ST18: variants seen among roughly 807,000 people sequenced by gnomAD.
The protein encoded by ST18 is suppression of tumorigenicity 18 protein.
In ST18, 50 loss-of-function variants were observed where a neutral mutation model predicts 110.0. The observed-to-expected ratio is 0.45, with a 90% CI of 0.36 to 0.58. The LOEUF is 0.58. ST18 is among the 20% of genes least tolerant of loss of function. The pLI, the probability that ST18 is intolerant of heterozygous loss-of-function variation, is 0.00. For synonymous variants in ST18, 461 were observed against 452.4 expected, an observed-to-expected ratio of 1.02 and a Z score of -0.24; for missense variants, 1,306 against 1,280.1, an observed-to-expected ratio of 1.02 and a Z score of -0.31.
intron 2 of ST18, among the ~76,000 whole-genome samples, chr8:52,345,030 T>C (rs1278876420): frequency 2.6e-5 from 4 of 152,198 alleles, no homozygotes; most frequent in African/African-American, 7.2e-5. Flanking sequence ...GTTTATGTGC[T>C]TGGCTGATAC....
intron 9 of ST18, among the ~76,000 whole-genome samples, chr8:52,173,401 C>A (rs576470237): frequency 2.0e-5 from 3 of 152,290 alleles, no homozygotes; most frequent in Admixed American, 1.3e-4. Flanking sequence ...CGTGAAGGCA[C>A]CCCGTGAGGA....
chr8:52,258,552 G>T (rs1192847682), intron 2 of ST18, among the ~76,000 whole-genome samples: 1 of 151,950 alleles, frequency 6.6e-6, no homozygotes, highest in Non-Finnish European at 1.5e-5. Context: ...AATAAAATTG[G>T]TTCCCTATGT....
intron 15 of ST18, among the ~76,000 whole-genome samples, chr8:52,156,138 GGCAGGGACA>G (rs1193878227): frequency 6.6e-6 from 1 of 152,206 alleles, no homozygotes; most frequent in Non-Finnish European, 1.5e-5. Context: ...AGCCATGCAA[GGCAGGGACA>G]GCTCCCAGAG....
At chr8:52,215,938 G>A (rs747860879) in intron 6 of ST18, among the ~76,000 whole-genome samples, 5 of 152,350 alleles carry the variant, frequency 3.3e-5, no homozygotes, top group African/African-American at 7.2e-5. Flanking sequence ...TAGCATGTGA[G>A]GGTGAAAATG....
intron 16 of ST18, among the ~76,000 whole-genome samples, chr8:52,146,241 C>T (rs2057226898): frequency 1.3e-5 from 2 of 152,104 alleles, no homozygotes; most frequent in Admixed American, 1.3e-4. Context: ...AGGATCAGTC[C>T]TGGAACTGTT....
chr8:52,183,261 C>T (rs962262394), intron 8 of ST18, among the ~76,000 whole-genome samples: 9 of 152,162 alleles, frequency 5.9e-5, no homozygotes, highest in Non-Finnish European at 1.0e-4. Context: ...ACACAACAGT[C>T]ATTCAGCCTG....
chr8:52,276,104 A>C (rs1489265690), intron 2 of ST18, among the ~76,000 whole-genome samples: 31 of 133,656 alleles, frequency 2.3e-4, no homozygotes, highest in South Asian at 2.8e-4. Flanking sequence ...ACACACATGA[A>C]ACACACACCG....
chr8:52,226,864 T>C (rs2089634465), intron 3 of ST18, among the ~76,000 whole-genome samples: 1 of 152,250 alleles, frequency 6.6e-6, no homozygotes, highest in African/African-American at 2.4e-5. Flanking sequence ...TATTACACAA[T>C]GTACTTGATA....
intron 2 of ST18, chr8:52,404,421 C>T (rs570727175): frequency 6.6e-6 from 1 of 152,218 alleles, no homozygotes; most frequent in South Asian, 2.1e-4. Context: ...ATTTCCAGGC[C>T]CAGGAGCACA....
At chr8:52,137,302 C>A in intron 18 of ST18, 119 bp downstream of exon 18, 2 of 1,072,408 alleles carry the variant, frequency 1.9e-6, no homozygotes, top group South Asian at 1.7e-5. Flanking sequence ...GAAAATAAAC[C>A]AAAAACCCAA....
At chr8:52,175,494 G>A (rs1311746585) in intron 9 of ST18, among the ~76,000 whole-genome samples, 1 of 152,108 alleles carries the variant, frequency 6.6e-6, no homozygotes, top group African/African-American at 2.4e-5. Flanking sequence ...GGGGTATAAG[G>A]TGGTGTGGCT....
intron 2 of ST18, among the ~76,000 whole-genome samples, chr8:52,251,567 G>A (rs957513585): frequency 5.3e-5 from 8 of 151,634 alleles, no homozygotes; most frequent in Non-Finnish European, 7.4e-5. Flanking sequence ...AATCAACACC[G>A]CATTGACTCA....
chr8:52,369,729 G>A (rs778422724), intron 2 of ST18, among the ~76,000 whole-genome samples: 4 of 152,136 alleles, frequency 2.6e-5, no homozygotes, highest in Non-Finnish European at 2.9e-5. Flanking sequence ...AAACATAAAC[G>A]TATTGATTCC....
chr8:52,203,752 G>A (rs2078899194), intron 8 of ST18, among the ~76,000 whole-genome samples: 1 of 152,170 alleles, frequency 6.6e-6, no homozygotes, highest in African/African-American at 2.4e-5. Context: ...AATTTTGTTT[G>A]CATTGGAGGT....
At chr8:52,122,733 C>T (rs1477497607) in intron 23 of ST18, among the ~76,000 whole-genome samples, 9 of 152,100 alleles carry the variant, frequency 5.9e-5, no homozygotes, top group Non-Finnish European at 1.5e-5. Context: ...GTGATCCACC[C>T]TTCTCGGCCT....
rs759852408 is a variant in ST18, at chr8:52,165,242, A to G, written c.1205-17T>C. On this transcript the variant is annotated splice_polypyrimidine_tract_variant and intron_variant, in intron 11 of 25. Coordinates refer to ENST00000689386, the MANE Select transcript of ST18 (RefSeq NM_001352837.2). ...TGGCAAGAACTAAGCACAAAACAAC[A>G]CATAAAGGAAAGAATACTTTACCAT... 5.0e-6 allele frequency: 8 copies of G among 1,613,226 alleles called. No individual in the cohort carries two copies. Among genetic ancestry groups the G allele is most frequent in the Non-Finnish European group, 5.9e-6 (7 of 1,179,276 alleles).
At chr8:52,319,143 A>T (rs1485384121) in intron 2 of ST18, among the ~76,000 whole-genome samples, 1 of 152,192 alleles carries the variant, frequency 6.6e-6, no homozygotes, top group Non-Finnish European at 1.5e-5. Context: ...GAAAACAAAC[A>T]AAAAATATTG....
At chr8:52,295,125 G>A (rs1440988209) in intron 2 of ST18, among the ~76,000 whole-genome samples, 2 of 152,126 alleles carry the variant, frequency 1.3e-5, no homozygotes, top group Non-Finnish European at 1.5e-5. Flanking sequence ...TAAAGCAAAG[G>A]CATGTCCTAA....
intron 22 of ST18, among the ~76,000 whole-genome samples, chr8:52,130,165 A>AAGAAAGAAAGAAAGAT (rs753293510): frequency 1.7e-5 from 2 of 119,658 alleles, no homozygotes; most frequent in Non-Finnish European, 3.7e-5. Context: ...GAAAGAAAGA[A>AAGAAAGAAAGAAAGAT]AAAGAAAAGA....
Sources: gnomAD v4.1 joint callset for allele counts (sites outside exome capture counted in the v4.1 genomes callset) on GRCh38, gnomAD v4.1.1 for gene constraint, MANE v1.5 for transcripts, NCBI Gene and HGNC (gene_info 2026-07-23, HGNC 2026-07-21) for gene names.